Variants in SLC9A9 observed in about 807,000 individuals in gnomAD.
SLC9A9 encodes the protein sodium/hydrogen exchanger 9.
A neutral mutation model predicts 77.8 loss-of-function variants in SLC9A9; 62 were observed. That is an observed-to-expected ratio of 0.80 (90% CI 0.65 to 0.98). The LOEUF is 0.98. Among genes scored for constraint, SLC9A9 ranks in the 50% least tolerant of loss-of-function variants. The pLI, the probability that SLC9A9 is intolerant of heterozygous loss-of-function variation, is 0.00. For synonymous variants in SLC9A9, 320 were observed against 283.5 expected (o/e 1.13, Z -1.29); for missense variants, 775 against 774.9 (o/e 1.00, Z 0.00).
At chr3:143,356,508 G>T (rs1401226885) in intron 14 of SLC9A9, among the ~76,000 whole-genome samples, 1 of 152,164 alleles carries the variant, frequency 6.6e-6, no homozygotes, top group African/African-American at 2.4e-5. Flanking sequence ...AGTCCAGGAA[G>T]AAGCTGATGT....
At chr3:143,802,674 G>A (rs1284503160) in intron 2 of SLC9A9, among the ~76,000 whole-genome samples, 1 of 152,028 alleles carries the variant, frequency 6.6e-6, no homozygotes, top group Non-Finnish European at 1.5e-5. Context: ...TCAGGCTCTT[G>A]GTATTCAGTG....
chr3:143,805,402 C>CA lies in SLC9A9; in HGVS notation c.379-8500dup, dbSNP rs543649111. Among the ~76,000 whole-genome samples, 104 of 152,160 alleles carry CA rather than the reference C, an allele frequency of 6.8e-4. 1 individual carries two copies. The highest frequency in any genetic ancestry group is 3.4e-3 in the Middle Eastern group (1 of 292). ...CCCATTATCTCTCCATGCCACCCCC[C>CA]AAAAAAATTTTTGCTGCCCCAACAC... is the stretch of plus-strand genomic sequence containing the variant. On this transcript the variant is annotated intron_variant, in intron 2 of 15. Transcript: ENST00000316549.
intron 8 of SLC9A9, among the ~76,000 whole-genome samples, chr3:143,571,533 T>C (rs1282958793): frequency 6.6e-6 from 1 of 152,176 alleles, no homozygotes; most frequent in Non-Finnish European, 1.5e-5. Flanking sequence ...CTGTCCATTC[T>C]GGTGTTCAAA....
At chr3:143,712,424 T>C (rs1934223404) in intron 4 of SLC9A9, among the ~76,000 whole-genome samples, 1 of 152,202 alleles carries the variant, frequency 6.6e-6, no homozygotes, top group Non-Finnish European at 1.5e-5. Context: ...GACTAATATA[T>C]GCCCAGCACC....
At chr3:143,667,124 C>A (rs1032487003) in intron 5 of SLC9A9, among the ~76,000 whole-genome samples, 4 of 152,104 alleles carry the variant, frequency 2.6e-5, no homozygotes, top group Non-Finnish European at 5.9e-5. Context: ...GTACTGGTAC[C>A]AAAACAGAGA....
At chr3:143,546,324 T>C (rs186357001) in intron 9 of SLC9A9, among the ~76,000 whole-genome samples, 1 of 152,202 alleles carries the variant, frequency 6.6e-6, no homozygotes, top group East Asian at 1.9e-4. Context: ...AAAATAAGCA[T>C]CTGGAAAGAA....
chr3:143,818,815 C>T (rs1576749888), intron 2 of SLC9A9, among the ~76,000 whole-genome samples: 1 of 152,072 alleles, frequency 6.6e-6, no homozygotes, highest in South Asian at 2.1e-4. Flanking sequence ...GGCGCGGTGG[C>T]TCATGCCTGT....
intron 4 of SLC9A9, among the ~76,000 whole-genome samples, chr3:143,726,273 A>G (rs905364658): frequency 2.0e-5 from 3 of 150,082 alleles, no homozygotes; most frequent in Admixed American, 2.0e-4. Flanking sequence ...AAAGAAACAC[A>G]GTTCAGATCA....
chr3:143,400,384 A>G (rs2033826989), intron 12 of SLC9A9, among the ~76,000 whole-genome samples: 1 of 152,244 alleles, frequency 6.6e-6, no homozygotes, highest in Non-Finnish European at 1.5e-5. Context: ...TGGCATCCGC[A>G]GGAACCTGGA....
rs532765911 is a variant in SLC9A9 at position 143,568,747 on chromosome 3, T to A, written c.1000+5341A>T. 3.9e-5 allele frequency among the ~76,000 whole-genome samples: 6 copies of A among 152,324 alleles called. No homozygotes were observed. The South Asian group carries it at 1.2e-3, about 32-fold the overall frequency. ...GCCCACAATGCTTCAGACATTCTTT[T>A]GGTGCTGACAAAGCCCTCCTGAACT... is the stretch of plus-strand genomic sequence containing the variant. On this transcript the variant is annotated intron_variant, in intron 8 of 15. Coordinates refer to ENST00000316549, the MANE Select transcript of SLC9A9 (RefSeq NM_173653.4).
At chr3:143,708,229 T>TA (rs1293965976) in intron 4 of SLC9A9, among the ~76,000 whole-genome samples, 1 of 152,120 alleles carries the variant, frequency 6.6e-6, no homozygotes, top group African/African-American at 2.4e-5. Context: ...TCTGGGAGCA[T>TA]ACCAGCCCAT....
chr3:143,659,319 T>A (rs916240323), intron 5 of SLC9A9, among the ~76,000 whole-genome samples: 1 of 152,160 alleles, frequency 6.6e-6, no homozygotes, highest in African/African-American at 2.4e-5. Flanking sequence ...CTGTGACCCA[T>A]GACATGTAAG....
intron 6 of SLC9A9, among the ~76,000 whole-genome samples, chr3:143,612,621 G>A (rs1045626352): frequency 6.6e-6 from 1 of 152,184 alleles, no homozygotes; most frequent in African/African-American, 2.4e-5. Flanking sequence ...TCATTTCATA[G>A]TATCCCTTTA....
At chr3:143,547,799 C>G (rs778792102) in intron 9 of SLC9A9, among the ~76,000 whole-genome samples, 5 of 152,194 alleles carry the variant, frequency 3.3e-5, no homozygotes, top group Non-Finnish European at 7.3e-5. Flanking sequence ...TCATATACTC[C>G]TAGCTACTCT....
chr3:143,337,662 G>A lies in SLC9A9; in HGVS notation c.1604+25822C>T, dbSNP rs566729429. On this transcript the variant is annotated intron_variant, in intron 14 of 15. Transcript: ENST00000316549. ...AATCCCAATCTTTAGTGCCAGTGAA[G>A]TGAACTCTAAACAAGTGCCCCAGGG... Among the ~76,000 whole-genome samples, 310 of 152,308 alleles carry A rather than the reference G, an allele frequency of 2.0e-3. 3 individuals carry two copies. The highest frequency in any genetic ancestry group is 6.9e-3 in the African/African-American group (287 of 41,568).
chr3:143,424,353 G>A (rs887725448), intron 12 of SLC9A9, among the ~76,000 whole-genome samples: 2 of 150,670 alleles, frequency 1.3e-5, no homozygotes, highest in Admixed American at 6.6e-5. Context: ...TGCAAGTTCC[G>A]CCTCCCGGGT....
In SLC9A9 at chr3:143,592,485, G is replaced by A. The variant is rs114095637; in HGVS notation, c.756-13762C>T. 7.0e-3 allele frequency among the ~76,000 whole-genome samples: 1,065 copies of A among 152,334 alleles called. 5 individuals carry two copies. Among genetic ancestry groups the A allele is most frequent in the African/African-American group, 0.025 (1,035 of 41,566 alleles). The stretch of plus-strand genomic sequence containing the variant: ...TCTTCCAGCATGGCTGGGATCAAAC[G>A]TGGCTGCTCCAGGCTAGCAGACAAC... On this transcript the variant is annotated intron_variant, in intron 6 of 15. Coordinates refer to ENST00000316549, the MANE Select transcript of SLC9A9 (RefSeq NM_173653.4).
chr3:143,501,726 T>C (rs2035926793), intron 9 of SLC9A9, among the ~76,000 whole-genome samples: 1 of 151,008 alleles, frequency 6.6e-6, no homozygotes. Flanking sequence ...AGCACTCCTT[T>C]TGTCTATTTA....
intron 2 of SLC9A9, among the ~76,000 whole-genome samples, chr3:143,807,076 C>G (rs1243595353): frequency 6.6e-6 from 1 of 152,066 alleles, no homozygotes; most frequent in Non-Finnish European, 1.5e-5. Flanking sequence ...AGAAATGTGA[C>G]CGAAACAGGA....
Sources: allele counts gnomAD v4.1 joint callset (sites outside exome capture counted in the v4.1 genomes callset), GRCh38; gene constraint gnomAD v4.1.1; transcripts MANE v1.5; gene names NCBI Gene and HGNC (gene_info 2026-07-23, HGNC 2026-07-21).